The following VPS13A variants were observed in gnomAD, a reference collection of about 807,000 sequenced individuals.
VPS13A encodes vacuolar protein sorting 13 homolog A, also known as intermembrane lipid transfer protein VPS13A.
A neutral mutation model predicts 390.9 loss-of-function variants in VPS13A; 264 were observed. The ratio of observed to expected loss-of-function variants is 0.68; its 90% CI spans 0.61 to 0.75. VPS13A has a LOEUF of 0.75. Among genes scored for constraint, VPS13A ranks in the 30% least tolerant of loss-of-function variants. VPS13A has a pLI of 0.00. For missense variants in VPS13A, 3,409 were observed against 3,733.9 expected (o/e 0.91, Z 2.27); for synonymous variants, 1,231 against 1,227.1 (o/e 1.00, Z -0.07).
chr9:77,332,486 ATTCCT>A (rs1053862222), intron 46 of VPS13A, among the ~76,000 whole-genome samples: 14 of 151,926 alleles, frequency 9.2e-5, no homozygotes, highest in African/African-American at 3.4e-4. Flanking sequence ...TTTTTTTGAA[ATTCCT>A]TTAGTAAACA....
Position 77,373,330 on chromosome 9 carries a change from C to T in VPS13A, c.9077+2181C>T, listed in dbSNP as rs1310747284. On this transcript the variant is annotated intron_variant, in intron 67 of 71. Transcript: ENST00000360280. ...AGAACAGAGCCCTCAGAAATAACGCCGCATATCTACAACTATCTGATCTTT... is the reference window on the plus strand; with the variant it reads ...AGAACAGAGCCCTCAGAAATAACGCTGCATATCTACAACTATCTGATCTTT... Among the ~76,000 whole-genome samples the T allele has an allele frequency of 1.8e-4, 26 of 145,762 alleles. No individual in the cohort carries two copies. In the East Asian group the frequency reaches 2.0e-3, roughly 11 times the overall value.
intron 33 of VPS13A, among the ~76,000 whole-genome samples, chr9:77,299,745 TAAA>T (rs1183135649): frequency 6.6e-6 from 1 of 152,032 alleles, no homozygotes; most frequent in African/African-American, 2.4e-5. Context: ...TATGCAGCCA[TAAA>T]AAAGAATGAG....
chr9:77,196,005 A>C (rs537955972), intron 1 of VPS13A, among the ~76,000 whole-genome samples: 1 of 150,602 alleles, frequency 6.6e-6, no homozygotes, highest in African/African-American at 2.4e-5. Context: ...CAGTCTTTTT[A>C]TTTTCATCTC....
At position 77,240,262 on chromosome 9, in the gene VPS13A, T is replaced by A. The variant is rs189297515; in HGVS notation, c.1900+1876T>A. 5.7e-3 allele frequency among the ~76,000 whole-genome samples: 858 copies of A among 151,776 alleles called. 9 individuals carry two copies. The highest frequency in any genetic ancestry group is 0.02 in the African/African-American group (817 of 41,374). ...AACGCCTGGCTAATTTTTAAAAAAA[T>A]TTTTAATAGAGATGGGGTTTCACTG... On this transcript the variant is annotated intron_variant, in intron 19 of 71. Coordinates refer to ENST00000360280, the MANE Select transcript of VPS13A (RefSeq NM_033305.3).
intron 52 of VPS13A, among the ~76,000 whole-genome samples, chr9:77,345,461 T>C (rs1327176286): frequency 6.6e-6 from 1 of 152,222 alleles, no homozygotes; most frequent in Non-Finnish European, 1.5e-5. Flanking sequence ...TTTTGAATTT[T>C]TTCATGTGTT....
At chr9:77,357,932 A>G in intron 56 of VPS13A, 94 bp downstream of exon 56, 2 of 956,144 alleles carry the variant, frequency 2.1e-6, no homozygotes, top group South Asian at 1.6e-5. Flanking sequence ...TCTAGTATTC[A>G]GTTTCAATGT....
intron 56 of VPS13A, among the ~76,000 whole-genome samples, 193 bp from the exon 57 acceptor site, chr9:77,358,164 C>T (rs1488239671): frequency 6.6e-6 from 1 of 151,720 alleles, no homozygotes; most frequent in African/African-American, 2.4e-5. Context: ...CCATGTGGGC[C>T]AGGCTGGTCT....
intron 33 of VPS13A, among the ~76,000 whole-genome samples, chr9:77,296,058 A>T (rs112530685): frequency 2.1e-4 from 32 of 152,314 alleles, no homozygotes; most frequent in African/African-American, 7.5e-4. Context: ...ATTTCTCCTT[A>T]GGTAATTAGG....
intron 24 of VPS13A, among the ~76,000 whole-genome samples, chr9:77,274,990 G>A (rs960215518): frequency 2.0e-5 from 3 of 152,056 alleles, no homozygotes; most frequent in Admixed American, 2.0e-4. Context: ...CAACGTATAT[G>A]TACATATACC....
intron 58 of VPS13A, among the ~76,000 whole-genome samples, chr9:77,359,904 C>A (rs1213729974): frequency 2.0e-5 from 3 of 150,982 alleles, no homozygotes; most frequent in Non-Finnish European, 4.4e-5. Flanking sequence ...TTATTATTCT[C>A]TTGTACTTGT....
At chr9:77,291,399 A>T (rs1827651007) in intron 31 of VPS13A, among the ~76,000 whole-genome samples, 1 of 152,176 alleles carries the variant, frequency 6.6e-6, no homozygotes, top group Non-Finnish European at 1.5e-5. Context: ...AGCATAATAG[A>T]GACTGAGGTA....
chr9:77,366,586 C>CT, intron 60 of VPS13A, 141 bp from the exon 61 acceptor site: 1 of 694,958 alleles, frequency 1.4e-6, no homozygotes, highest in Non-Finnish European at 2.3e-6. Flanking sequence ...CATATTTCTA[C>CT]TTAGTGATTT....
chr9:77,250,355 T>G (rs1217084573), intron 21 of VPS13A, 126 bp downstream of exon 21: 3 of 1,190,694 alleles, frequency 2.5e-6, no homozygotes, highest in Non-Finnish European at 3.6e-6. Context: ...GAAATGATAG[T>G]AAATATTGTC....
rs1195890355 is a variant in VPS13A, at chr9:77,316,229, A to G, written c.4686A>G (p.Glu1562=). ...WEINVIIKNP[E]IVFVADMTKN... ...TTAATGTTATTATTAAAAATCCTGA[A>G]ATTGTGTTTGTAGCTGACATGACAA... is the stretch of plus-strand genomic sequence containing the variant. Residue 1562 remains glutamate, a synonymous_variant, in exon 39 of 72, where the codon GAA becomes GAG. Transcript: ENST00000360280. 6.2e-7 allele frequency: 1 copy of G among 1,613,076 alleles called. No homozygotes were observed. Among genetic ancestry groups the G allele is most frequent in the Non-Finnish European group, 8.5e-7 (1 of 1,179,316 alleles).
At chr9:77,406,956 T>C (rs929451653) in intron 70 of VPS13A, among the ~76,000 whole-genome samples, 1 of 152,142 alleles carries the variant, frequency 6.6e-6, no homozygotes, top group Non-Finnish European at 1.5e-5. Context: ...CTACCAATAC[T>C]AAACATAATA....
intron 68 of VPS13A, among the ~76,000 whole-genome samples, chr9:77,396,334 G>A (rs1166382319): frequency 1.3e-5 from 2 of 152,154 alleles, no homozygotes; most frequent in African/African-American, 4.8e-5. Context: ...TGTCAGTATA[G>A]CCTATACCTA....
chr9:77,358,235 C>T (rs1032345967), intron 56 of VPS13A, 122 bp from the exon 57 acceptor site: 4 of 834,756 alleles, frequency 4.8e-6, no homozygotes, highest in South Asian at 3.0e-5. Context: ...GGATTACAGG[C>T]GTGAGCCACC....
rs368761963 is a variant in VPS13A at position 77,355,771 on chromosome 9, C to T, written c.7653-943C>T. Among the ~76,000 whole-genome samples the T allele has an allele frequency of 1.3e-4, 20 of 152,324 alleles. No homozygotes were observed. In the East Asian group the frequency reaches 3.5e-3, roughly 26 times the overall value. On this transcript the variant is annotated intron_variant, in intron 54 of 71. Coordinates refer to ENST00000360280, the MANE Select transcript of VPS13A (RefSeq NM_033305.3). ...CTTCGATTCCTCTCTTTATCTTACA[C>T]CCCAGACCTAATTCATCAAGAAGAT...
chr9:77,334,133 G>A (rs1452584264), intron 46 of VPS13A, among the ~76,000 whole-genome samples: 1 of 152,116 alleles, frequency 6.6e-6, no homozygotes, highest in Non-Finnish European at 1.5e-5. Flanking sequence ...TAAGAGGAAG[G>A]CATGCATGAA....
Sources: allele counts gnomAD v4.1 joint callset (sites outside exome capture counted in the v4.1 genomes callset), GRCh38; gene constraint gnomAD v4.1.1; transcripts MANE v1.5; gene names NCBI Gene and HGNC (gene_info 2026-07-23, HGNC 2026-07-21).